Variants in DIP2A observed in about 807,000 individuals in gnomAD.
DIP2A encodes the protein DIP2 acetate--CoA ligase A, also known as disco-interacting protein 2 homolog A.
DIP2A carries 85 observed loss-of-function variants against 177.4 expected under a neutral mutation model. The observed-to-expected ratio is 0.48, with a 90% CI of 0.40 to 0.57. DIP2A has a LOEUF of 0.57. Ranked by LOEUF, DIP2A falls within the 20% of genes least tolerant of loss-of-function variation. The pLI, the probability that DIP2A is intolerant of heterozygous loss-of-function variation, is 0.00. For missense variants in DIP2A, 1,791 were observed against 2,100.2 expected (o/e 0.85, Z 2.88); for synonymous variants, 886 against 881.8 (o/e 1.00, Z -0.08).
intron 25 of DIP2A, 25 bp downstream of exon 25, chr21:46,551,929 G>T (rs764619204): frequency 1.3e-6 from 2 of 1,576,270 alleles, no homozygotes; most frequent in African/African-American, 1.3e-5. Flanking sequence ...CGCCCACGGG[G>T]CTTGGAAACA....
chr21:46,463,798 TC>T (rs2054555885), intron 1 of DIP2A, among the ~76,000 whole-genome samples: 1 of 151,056 alleles, frequency 6.6e-6, no homozygotes, highest in Non-Finnish European at 1.5e-5. Context: ...AGCCTCCACC[TC>T]CCGGGTTCAA....
At position 46,568,550 on chromosome 21, in the gene DIP2A, C is replaced by T. The variant is rs1601878232; in HGVS notation, c.*928C>T. On this transcript the variant is annotated 3_prime_UTR_variant, in exon 38 of 38. Coordinates refer to ENST00000417564, the MANE Select transcript of DIP2A (RefSeq NM_015151.4). ...AACAAAAAAGAGGTGTGCTGCTTGT[C>T]AGCATGTATTGTCACGGACACTCAA... 1 of 152,276 alleles carries T rather than the reference C, an allele frequency of 6.6e-6. No homozygotes were observed. The highest frequency in any genetic ancestry group is 1.9e-4 in the East Asian group (1 of 5,186). The allele number at this position is 152,276 out of a possible 1,614,324, so 9.4% of individuals were successfully genotyped here.
chr21:46,556,849 A>G lies in DIP2A; in HGVS notation c.3499-90A>G, dbSNP rs150214101. On this transcript the variant is annotated intron_variant, in intron 29 of 37. Coordinates refer to ENST00000417564, the MANE Select transcript of DIP2A (RefSeq NM_015151.4). This position sits in a 1 kb window ranked among gnomAD's most constrained non-coding sequence, Gnocchi z 4.5. ...GTTTGGTAGTTCGGAGCTATGGTCT[A>G]GCCATGTGAACAGCGGACACTGCCA... 224 of 1,193,318 alleles carry G rather than the reference A, an allele frequency of 1.9e-4. 2 individuals are homozygous for G. In the East Asian group the frequency reaches 5.7e-3, roughly 30 times the overall value. 73.9% of individuals were successfully genotyped at this position (1,193,318 alleles called of 1,614,324 possible).
the DIP2A span, among the ~76,000 whole-genome samples, chr21:46,575,072 A>G: frequency 6.6e-6 from 1 of 152,132 alleles, no homozygotes; most frequent in Non-Finnish European, 1.5e-5. Context: ...TAAAAACACT[A>G]TATAGCATTA....
chr21:46,580,784 G>T, the DIP2A span, among the ~76,000 whole-genome samples: 20 of 152,132 alleles, frequency 1.3e-4, no homozygotes, highest in Non-Finnish European at 2.5e-4. Flanking sequence ...AATCTCTTCT[G>T]GTTTGTAGGG....
intron 6 of DIP2A, among the ~76,000 whole-genome samples, chr21:46,508,985 C>G (rs1157467465): frequency 1.3e-5 from 2 of 152,070 alleles, no homozygotes; most frequent in African/African-American, 4.8e-5. Context: ...TGCCACTGCA[C>G]TCTAGCCTGG....
chr21:46,467,837 G>A, intron 1 of DIP2A, among the ~76,000 whole-genome samples: 1 of 151,960 alleles, frequency 6.6e-6, no homozygotes, highest in Non-Finnish European at 1.5e-5. Flanking sequence ...TGCCAGCTGG[G>A]CCCAGTGGCT....
intron 5 of DIP2A, among the ~76,000 whole-genome samples, chr21:46,502,256 C>T (rs917505762): frequency 1.3e-5 from 2 of 151,894 alleles, no homozygotes; most frequent in Admixed American, 6.6e-5. Flanking sequence ...TCACCTCAGC[C>T]TCCTAAGTAG....
intron 23 of DIP2A, among the ~76,000 whole-genome samples, 170 bp from the exon 24 acceptor site, chr21:46,551,462 CTT>C (rs1458007682): frequency 6.6e-6 from 1 of 151,410 alleles, no homozygotes; most frequent in East Asian, 2.0e-4. Flanking sequence ...GAGAAATTCT[CTT>C]TGTCACTTAG....
intron 1 of DIP2A, among the ~76,000 whole-genome samples, chr21:46,469,551 G>A (rs575781868): frequency 3.9e-5 from 6 of 152,142 alleles, no homozygotes; most frequent in Non-Finnish European, 8.8e-5. Flanking sequence ...AGTTTGTTTG[G>A]GGCCCATGAG....
chr21:46,530,092 C>T (rs1264419258), intron 9 of DIP2A, among the ~76,000 whole-genome samples: 1 of 152,192 alleles, frequency 6.6e-6, no homozygotes, highest in African/African-American at 2.4e-5. Context: ...TTTCTGTCAT[C>T]ATAGAAACTT....
chr21:46,537,503 C>G lies in DIP2A; in HGVS notation c.1765C>G (p.Pro589Ala). ...SVPYALMKAN[P>A]LSWIQKVCFY... ...CCCCTACGCGCTGATGAAGGCGAAC[C>G]CACTCTCCTGGATCCAGAAAGTGTG... Residue 589 changes from proline to alanine, a missense_variant, in exon 15 of 38, where the codon CCA becomes GCA. By Grantham distance (27) the Pro-to-Ala change is conservative. Coordinates refer to ENST00000417564, the MANE Select transcript of DIP2A (RefSeq NM_015151.4). This position sits in a 1 kb window ranked among gnomAD's most constrained non-coding sequence, Gnocchi z 4.1. The G allele has an allele frequency of 6.2e-7, 1 of 1,614,150 alleles. No homozygotes were observed. Among genetic ancestry groups the G allele is most frequent in the Non-Finnish European group, 8.5e-7 (1 of 1,180,016 alleles).
At chr21:46,494,234 G>GT (rs1455256343) in intron 3 of DIP2A, among the ~76,000 whole-genome samples, 2 of 152,228 alleles carry the variant, frequency 1.3e-5, no homozygotes, top group African/African-American at 4.8e-5. Context: ...CAGTTGGTTG[G>GT]TAAGTGTTTT....
chr21:46,554,177 C>T lies in DIP2A; in HGVS notation c.3039C>T (p.Val1013=), dbSNP rs759384079. Residue 1013 remains valine, a synonymous_variant, in exon 26 of 38, where the codon GTC becomes GTT. Coordinates refer to ENST00000417564, the MANE Select transcript of DIP2A (RefSeq NM_015151.4). Reference sequence around the variant, plus strand: ...AAAGATCGCTTTCCTAGGGCACCGTCACAAGCACTGCAACCTGTGTCCAGC... The same window carrying T: ...AAAGATCGCTTTCCTAGGGCACCGTTACAAGCACTGCAACCTGTGTCCAGC... ...LFLLLNAKGT[V]TSTATCVQLH... 1 of 1,613,848 alleles carries T rather than the reference C, an allele frequency of 6.2e-7. No homozygotes were observed. The highest frequency in any genetic ancestry group is 1.1e-5 in the South Asian group (1 of 91,082).
chr21:46,496,952 G>A (rs752034147), intron 3 of DIP2A, 36 bp from the exon 4 acceptor site: 2 of 1,569,198 alleles, frequency 1.3e-6, no homozygotes, highest in Admixed American at 2.0e-5. Flanking sequence ...AAACAGTCTT[G>A]TAAAAAGTAT....
At chr21:46,573,236 A>G (rs1008399927), downstream of DIP2A, among the ~76,000 whole-genome samples, 5 of 152,154 alleles carry the variant, frequency 3.3e-5, no homozygotes, top group African/African-American at 1.2e-4. Context: ...ATTGATAATT[A>G]CTTTATCTGT....
chr21:46,507,917 G>T (rs2058100862), intron 6 of DIP2A, among the ~76,000 whole-genome samples: 1 of 151,038 alleles, frequency 6.6e-6, no homozygotes, highest in South Asian at 2.1e-4. Flanking sequence ...GCTAATTTTT[G>T]TATTTTTTAG....
chr21:46,537,508 C>G lies in DIP2A; in HGVS notation c.1770C>G (p.Leu590=), dbSNP rs1170962523. ...ACGCGCTGATGAAGGCGAACCCACT[C>G]TCCTGGATCCAGAAAGTGTGCTTCT... The part of the protein sequence containing the change: ...VPYALMKANP[L]SWIQKVCFYK... Residue 590 remains leucine (L), a synonymous_variant, in exon 15 of 38, where the codon CTC becomes CTG. Coordinates refer to ENST00000417564, the MANE Select transcript of DIP2A (RefSeq NM_015151.4). This position sits in a 1 kb window ranked among gnomAD's most constrained non-coding sequence, Gnocchi z 4.1. 1.2e-6 allele frequency: 2 copies of G among 1,614,114 alleles called. No homozygotes were observed. Among genetic ancestry groups the G allele is most frequent in the Admixed American group, 1.7e-5 (1 of 60,010 alleles).
rs529526862 is a variant in DIP2A at position 46,534,441 on chromosome 21, A to G, written c.1540-144A>G. ...TCCCCTCAGCGGCCAGGGTTTTGCC[A>G]TGTACCTGGGCTGCTGGTTAGAGGC... is the stretch of plus-strand genomic sequence containing the variant. On this transcript the variant is annotated intron_variant, in intron 12 of 37. Transcript: ENST00000417564. 2.4e-5 allele frequency: 19 copies of G among 800,742 alleles called. No individual in the cohort carries two copies. The East Asian group carries it at 2.4e-4, about 10-fold the overall frequency. The allele number at this position is 800,742 out of a possible 1,614,324, so 49.6% of individuals were successfully genotyped here. A position where few individuals can be genotyped will look rare whatever the true frequency, so the allele number is the denominator to read the frequency against.
Sources: allele counts gnomAD v4.1 joint callset (sites outside exome capture counted in the v4.1 genomes callset), GRCh38; gene constraint gnomAD v4.1.1; non-coding constraint Gnocchi (gnomAD v3.1); transcripts MANE v1.5; gene names NCBI Gene and HGNC (gene_info 2026-07-23, HGNC 2026-07-21).